Variants in CHD6 observed in about 807,000 individuals in gnomAD.
CHD6 encodes ATP-dependent chromatin remodeler CHD6.
CHD6 carries 50 observed loss-of-function variants against 276.9 expected under a neutral mutation model. The ratio of observed to expected loss-of-function variants is 0.18; its 90% CI spans 0.14 to 0.23. The LOEUF is 0.23. CHD6 is among the 10% of genes least tolerant of loss of function. CHD6 has a pLI of 1.00. For synonymous variants in CHD6, 1,173 were observed against 1,229.3 expected (o/e 0.95, Z 0.96); for missense variants, 2,564 against 3,365.8 (o/e 0.76, Z 5.89).
chr20:41,448,047 C>T (rs2048123780), intron 23 of CHD6, 76 bp from the exon 24 acceptor site: 1 of 728,888 alleles, frequency 1.4e-6, no homozygotes, highest in African/African-American at 1.8e-5. Context: ...CAAGTTAACA[C>T]TGGGAAATTC....
intron 5 of CHD6, among the ~76,000 whole-genome samples, chr20:41,510,341 G>A (rs2044087870): frequency 6.6e-6 from 1 of 152,112 alleles, no homozygotes; most frequent in African/African-American, 2.4e-5. Context: ...CTGCAGCAAC[G>A]AGGACTCTAC....
chr20:41,591,837 C>T (rs1051406336), intron 1 of CHD6, among the ~76,000 whole-genome samples: 2 of 152,152 alleles, frequency 1.3e-5, no homozygotes, highest in Non-Finnish European at 1.5e-5. Flanking sequence ...CAGTGGCTCA[C>T]GCCTGTAATC....
chr20:41,535,364 C>G (rs756198704), intron 2 of CHD6, among the ~76,000 whole-genome samples: 3 of 152,174 alleles, frequency 2.0e-5, no homozygotes, highest in Admixed American at 1.3e-4. Context: ...TATGAAGATG[C>G]CAATTTTGTA....
At chr20:41,423,432 T>G (rs747102449) in intron 30 of CHD6, 60 bp downstream of exon 30, 17 of 1,526,606 alleles carry the variant, frequency 1.1e-5, no homozygotes, top group Non-Finnish European at 1.5e-5. Flanking sequence ...AATTCTGCAA[T>G]TTGAAAATCA....
rs767591927 is a variant in CHD6, at chr20:41,415,255, C to T, written c.6870G>A (p.Arg2290=). ...CCATCCCTCCTTCAACATGTTTCCG[C>T]CTCCCTCTCCGCCTCCTCGTGGCTG... ...DDAATRRRRG[R]RKHVEGGMDL... The change falls in exon 34 of 37, where the codon AGG becomes AGA. Residue 2290 remains arginine, a synonymous_variant. Coordinates refer to ENST00000373233, the MANE Select transcript of CHD6 (RefSeq NM_032221.5). 20 of 1,614,180 alleles carry T rather than the reference C, an allele frequency of 1.2e-5. No individual in the cohort carries two copies. Among genetic ancestry groups the T allele is most frequent in the Non-Finnish European group, 1.7e-5 (20 of 1,180,038 alleles).
intron 18 of CHD6, among the ~76,000 whole-genome samples, chr20:41,456,374 C>T (rs2048378187): frequency 6.6e-6 from 1 of 151,340 alleles, no homozygotes; most frequent in African/African-American, 2.4e-5. Flanking sequence ...ATGATTTATT[C>T]ATTATTAAAT....
At chr20:41,597,904 T>G (rs6102488) in intron 1 of CHD6, among the ~76,000 whole-genome samples, 6,914 of 152,200 alleles carry the variant, frequency 0.045, 498 homozygotes, top group African/African-American at 0.16. Context: ...CTGGGCAGAT[T>G]CTATTAACTG....
chr20:41,427,129 A>G (rs2047390529), intron 27 of CHD6, among the ~76,000 whole-genome samples: 2 of 151,872 alleles, frequency 1.3e-5, no homozygotes, highest in Non-Finnish European at 2.9e-5. Flanking sequence ...CAGAAGCCAT[A>G]TATGGCCTTC....
intron 1 of CHD6, among the ~76,000 whole-genome samples, chr20:41,600,269 T>C (rs1376537772): frequency 6.6e-6 from 1 of 152,226 alleles, no homozygotes; most frequent in South Asian, 2.1e-4. Context: ...AAATCATATG[T>C]TATAATCAAT....
intron 1 of CHD6, among the ~76,000 whole-genome samples, chr20:41,602,722 T>A (rs940303277): frequency 1.3e-5 from 2 of 152,148 alleles, no homozygotes; most frequent in Non-Finnish European, 2.9e-5. Flanking sequence ...TCAGTAAAAC[T>A]TTTTTTGGAG....
chr20:41,546,129 A>G (rs1242831745), intron 2 of CHD6, among the ~76,000 whole-genome samples: 1 of 145,670 alleles, frequency 6.9e-6, no homozygotes, highest in Non-Finnish European at 1.5e-5. Flanking sequence ...CTGAACTAGT[A>G]TTAATAAATT....
intron 11 of CHD6, among the ~76,000 whole-genome samples, chr20:41,490,615 C>T (rs1442941557): frequency 2.0e-5 from 3 of 152,102 alleles, no homozygotes; most frequent in Non-Finnish European, 4.4e-5. Flanking sequence ...GAGTTCGAGA[C>T]GAACCTGGCC....
chr20:41,596,041 C>T (rs1419872820), intron 1 of CHD6, among the ~76,000 whole-genome samples: 3 of 152,128 alleles, frequency 2.0e-5, no homozygotes, highest in East Asian at 3.9e-4. Context: ...AGACAACCTT[C>T]CCCCACCCAC....
At chr20:41,609,950 G>A (rs866612985) in intron 1 of CHD6, among the ~76,000 whole-genome samples, 13 of 147,966 alleles carry the variant, frequency 8.8e-5, no homozygotes, top group African/African-American at 3.2e-4. Context: ...TCCGCCTCCC[G>A]GGTTTAAGCG....
At chr20:41,555,674 T>C (rs1263983154) in intron 1 of CHD6, among the ~76,000 whole-genome samples, 4 of 143,512 alleles carry the variant, frequency 2.8e-5, no homozygotes, top group East Asian at 2.1e-4. Flanking sequence ...GCAGAGGCGC[T>C]CCCCACATCT....
At chr20:41,607,732 A>G (rs933131665) in intron 1 of CHD6, among the ~76,000 whole-genome samples, 25 of 148,862 alleles carry the variant, frequency 1.7e-4, no homozygotes, top group Non-Finnish European at 2.8e-4. Context: ...AACAATAAGC[A>G]TGGGAAACAG....
chr20:41,515,336 T>C (rs1398312751), intron 3 of CHD6, among the ~76,000 whole-genome samples: 1 of 152,180 alleles, frequency 6.6e-6, no homozygotes, highest in Non-Finnish European at 1.5e-5. Context: ...CCCTAATCTG[T>C]CACCAACCTC....
Position 41,483,376 on chromosome 20 carries a change from T to C in CHD6, c.2401A>G (p.Lys801Glu). ...ACCATCTGGGAGAAGATGAGTACTT[T>C]GTGGCCACCTGCAATCAGCTTAGGG... ...LLPKLIAGGHKVLIFSQMVRC... is the reference protein window; with the variant it reads ...LLPKLIAGGHEVLIFSQMVRC... Residue 801 changes from lysine (K) to glutamate (E), a missense_variant, in exon 16 of 37, where the codon AAA becomes GAA. Lys to Glu is a moderately conservative substitution (Grantham distance 56). Transcript: ENST00000373233. 6.2e-7 allele frequency: 1 copy of C among 1,613,866 alleles called. No individual in the cohort carries two copies. Among genetic ancestry groups the C allele is most frequent in the Non-Finnish European group, 8.5e-7 (1 of 1,179,862 alleles).
chr20:41,456,311 T>C (rs772626483), intron 18 of CHD6, among the ~76,000 whole-genome samples: 14 of 151,966 alleles, frequency 9.2e-5, no homozygotes, highest in African/African-American at 1.5e-4. Context: ...TATATTTTAG[T>C]TAGAGCTTGT....
Sources: allele counts gnomAD v4.1 joint callset (sites outside exome capture counted in the v4.1 genomes callset), GRCh38; gene constraint gnomAD v4.1.1; transcripts MANE v1.5; gene names NCBI Gene and HGNC (gene_info 2026-07-23, HGNC 2026-07-21).